Variants in C9orf78 observed in about 807,000 individuals in gnomAD.
C9orf78 encodes the protein splicing factor C9orf78.
A neutral mutation model predicts 37.4 loss-of-function variants in C9orf78; 19 were observed. The observed-to-expected ratio is 0.51, with a 90% CI of 0.35 to 0.74. C9orf78 has a LOEUF of 0.74. C9orf78 is among the 30% of genes least tolerant of loss of function. The pLI, the probability that C9orf78 is intolerant of heterozygous loss-of-function variation, is 0.01. For synonymous variants in C9orf78, 130 were observed against 128.0 expected (o/e 1.02, Z -0.10); for missense variants, 291 against 370.8 (o/e 0.78, Z 1.77).
At chr9:129,832,041 A>G (rs944713858) in intron 4 of C9orf78, 68 bp from the exon 5 acceptor site, 1 of 804,628 alleles carries the variant, frequency 1.2e-6, no homozygotes, top group Non-Finnish European at 2.3e-6. Context: ...TTTATGTTCT[A>G]AGAAGAAAAC....
chr9:129,829,797 G>T (rs1047889902), intron 6 of C9orf78: 5 of 385,828 alleles, frequency 1.3e-5, no homozygotes, highest in Non-Finnish European at 2.3e-5. Flanking sequence ...CTCAAAGTTT[G>T]TAAAGGCCAG....
intron 1 of C9orf78, 86 bp downstream of exon 1, chr9:129,835,053 A>C (rs2031677796): frequency 3.7e-6 from 4 of 1,091,662 alleles, no homozygotes; most frequent in Admixed American, 3.8e-5. Flanking sequence ...CACAGTTAAC[A>C]ATGTCAGCGA....
Position 129,831,009 on chromosome 9 carries a change from T to C in C9orf78, c.404A>G (p.Gln135Arg). Residue 135 changes from glutamine (Q) to arginine (R), a missense_variant, in exon 6 of 9, where the codon CAG becomes CGG. Gln to Arg is a conservative substitution (Grantham distance 43). Transcript: ENST00000372447. ...CTCTGCATTCTTTGGCTTAACTTTC[T>C]GTTCCTCATGTTCCACGATCCCTTT... is the stretch of plus-strand genomic sequence containing the variant. ...KRKGIVEHEE[Q>R]KVKPKNAEDC... 1.9e-6 allele frequency: 3 copies of C among 1,613,598 alleles called. No homozygotes were observed. Among genetic ancestry groups the C allele is most frequent in the Non-Finnish European group, 2.5e-6 (3 of 1,179,480 alleles).
intron 8 of C9orf78, chr9:129,828,633 G>C (rs45581233): frequency 0.23 from 50,594 of 221,350 alleles, 6,125 homozygotes; most frequent in Middle Eastern, 0.25. Flanking sequence ...ATGTTGGCCA[G>C]GCTCGTCTTG....
intron 1 of C9orf78, 50 bp downstream of exon 1, chr9:129,835,089 C>T: frequency 7.1e-7 from 1 of 1,414,614 alleles, no homozygotes; most frequent in Admixed American, 1.7e-5. Flanking sequence ...GTGAGTCCCC[C>T]AAACAAGTCT....
At chr9:129,834,477 G>A (rs2031625768) in intron 2 of C9orf78, 4 of 463,510 alleles carry the variant, frequency 8.6e-6, no homozygotes, top group Non-Finnish European at 1.5e-5. Flanking sequence ...TAAAAAACGC[G>A]AGTTAGTGAT....
At chr9:129,831,461 G>C in intron 5 of C9orf78, 1 of 252,010 alleles carries the variant, frequency 4.0e-6, no homozygotes, top group Non-Finnish European at 7.8e-6. Flanking sequence ...TTTCACTCTT[G>C]TTGCCCAGGC....
rs763016070 is a variant in C9orf78 at position 129,829,245 on chromosome 9, C to T, written c.738G>A (p.Arg246=). 6.8e-6 allele frequency: 11 copies of T among 1,613,630 alleles called. No homozygotes were observed. The South Asian group carries it at 1.2e-4, about 18-fold the overall frequency. ...TCTCCGTGTCACCTACTCTCAAGGGCCGGGCCTTGGGCTCTTCTTTGTTTC... is the reference window on the plus strand; with the variant it reads ...TCTCCGTGTCACCTACTCTCAAGGGTCGGGCCTTGGGCTCTTCTTTGTTTC... ...IRRNKEEPKA[R]PLRVGDTEKP... Residue 246 remains arginine, a synonymous_variant, in exon 8 of 9, where the codon CGG becomes CGA. Coordinates refer to ENST00000372447, the MANE Select transcript of C9orf78 (RefSeq NM_016520.3).
In C9orf78 at chr9:129,834,353, C is replaced by G. The variant is rs1259409040; in HGVS notation, c.143+354G>C. The G allele has an allele frequency of 1.2e-5, 3 of 256,842 alleles. No homozygotes were observed. The East Asian group carries it at 2.8e-4, about 24-fold the overall frequency. The allele number at this position is 256,842 out of a possible 1,614,324, so 15.9% of individuals were successfully genotyped here. A position where few individuals can be genotyped will look rare whatever the true frequency, so the allele number is the denominator to read the frequency against. Reference sequence around the variant, plus strand: ...TCTGCAAGGAAAAAAAATGTTAACACTGATCATTTCCGGATGGGAGAATTA... The same window carrying G: ...TCTGCAAGGAAAAAAAATGTTAACAGTGATCATTTCCGGATGGGAGAATTA... On this transcript the variant is annotated intron_variant, in intron 2 of 8. Coordinates refer to ENST00000372447, the MANE Select transcript of C9orf78 (RefSeq NM_016520.3).
At chr9:129,829,349 A>G (rs1369817920) in intron 7 of C9orf78, 46 bp from the exon 8 acceptor site, 1 of 1,603,258 alleles carries the variant, frequency 6.2e-7, no homozygotes, top group South Asian at 1.1e-5. Context: ...TGAGGTTCCT[A>G]GGGATCTCAG....
Position 129,835,258 on chromosome 9 carries a change from T to C in C9orf78, c.-37A>G. On this transcript the variant is annotated 5_prime_UTR_variant, in exon 1 of 9. Coordinates refer to ENST00000372447, the MANE Select transcript of C9orf78 (RefSeq NM_016520.3). ...CCGAGTTGTACAGCCGCCGCGCCTC[T>C]GCGCAGCGGCCCAGGCTGCTTCCGG... 7.4e-6 allele frequency: 11 copies of C among 1,491,210 alleles called. No individual in the cohort carries two copies. Among genetic ancestry groups the C allele is most frequent in the Middle Eastern group, 1.7e-4 (1 of 5,804 alleles). The allele number at this position is 1,491,210 out of a possible 1,614,324, so 92.4% of individuals were successfully genotyped here.
At chr9:129,833,402 C>G (rs779391142) in intron 4 of C9orf78, 45 bp downstream of exon 4, 2 of 1,137,590 alleles carry the variant, frequency 1.8e-6, no homozygotes, top group Non-Finnish European at 2.7e-6. Flanking sequence ...TAGACCCAGG[C>G]AGCCGCTAAA....
At chr9:129,829,967 CAG>C (rs1224584867) in intron 6 of C9orf78, 1 of 157,010 alleles carries the variant, frequency 6.4e-6, no homozygotes, top group African/African-American at 2.4e-5. Context: ...TAGAAGAAAA[CAG>C]AAGAATAAAG....
chr9:129,830,842 T>A lies in C9orf78; in HGVS notation c.542+29A>T, dbSNP rs1487196282. The stretch of plus-strand genomic sequence containing the variant: ...CATAACTTTTAACTGGAAAGCACTG[T>A]GTCTTCTGCCTAGGGGTCTCAAACA... On this transcript the variant is annotated intron_variant, in intron 6 of 8. Coordinates refer to ENST00000372447, the MANE Select transcript of C9orf78 (RefSeq NM_016520.3). The A allele has an allele frequency of 1.0e-5, 15 of 1,504,534 alleles. No individual in the cohort carries two copies. In the African/African-American group the frequency reaches 1.5e-4, roughly 15 times the overall value. 93.2% of individuals were successfully genotyped at this position (1,504,534 alleles called of 1,614,324 possible). A position where few individuals can be genotyped will look rare whatever the true frequency, so the allele number is the denominator to read the frequency against.
In C9orf78 at chr9:129,830,950, C is replaced by T. The variant is rs760201724; in HGVS notation, c.463G>A (p.Val155Ile). The T allele has an allele frequency of 6.8e-6, 11 of 1,613,806 alleles. No individual in the cohort carries two copies. The highest frequency in any genetic ancestry group is 1.3e-5 in the African/African-American group (1 of 75,046). Residue 155 changes from valine to isoleucine, a missense_variant, in exon 6 of 9, where the codon GTT becomes ATT. Around this residue, in one of 3 missense-constraint regions of C9orf78, gnomAD observed 13 missense variants for 47.3 expected, o/e 0.27. Coordinates refer to ENST00000372447, the MANE Select transcript of C9orf78 (RefSeq NM_016520.3). ...TCCTCGGTCTTCTTTGCTGAGGAAA[C>T]ACGGATGTTTTCTGGAAGTTCATAA... ...CLYELPENIR[V>I]SSAKKTEEML... is the part of the protein sequence containing the mutation.
At chr9:129,832,026 TGA>T (rs2031512382) in intron 4 of C9orf78, 53 bp from the exon 5 acceptor site, 1 of 835,564 alleles carries the variant, frequency 1.2e-6, no homozygotes, top group Non-Finnish European at 2.1e-6. Flanking sequence ...TCAATGAGGC[TGA>T]GTTTTATGTT....
intron 4 of C9orf78, among the ~76,000 whole-genome samples, chr9:129,833,061 G>GTATA (rs1234526419): frequency 7.9e-6 from 1 of 126,066 alleles, no homozygotes; most frequent in Non-Finnish European, 1.8e-5. Context: ...GTATATGTGT[G>GTATA]TACATATGTG....
intron 8 of C9orf78, chr9:129,828,975 G>A (rs937249688): frequency 8.1e-6 from 5 of 618,482 alleles, no homozygotes; most frequent in African/African-American, 1.8e-5. Context: ...GAATATGAGA[G>A]AGTATGAATT....
At chr9:129,829,657 A>AT in intron 6 of C9orf78, 116 bp from the exon 7 acceptor site, 13 of 835,760 alleles carry the variant, frequency 1.6e-5, no homozygotes, top group Non-Finnish European at 2.1e-5. Context: ...CCTGGGGCAC[A>AT]GCTCTCCACT....
Sources: gnomAD v4.1 joint callset for allele counts (sites outside exome capture counted in the v4.1 genomes callset) on GRCh38, gnomAD v4.1.1 for gene constraint, gnomAD v4.1.1 regional missense constraint, MANE v1.5 for transcripts, NCBI Gene and HGNC (gene_info 2026-07-23, HGNC 2026-07-21) for gene names.